Variants in TBC1D8 observed in about 807,000 individuals in gnomAD.
TBC1D8 encodes the protein TBC1 domain family member 8.
TBC1D8 carries 65 observed loss-of-function variants against 118.8 expected under a neutral mutation model. That is an observed-to-expected ratio of 0.55 (90% confidence interval 0.45 to 0.67). The LOEUF is 0.67. Ranked by LOEUF, TBC1D8 falls within the 30% of genes least tolerant of loss-of-function variation. The pLI, the probability that TBC1D8 is intolerant of heterozygous loss-of-function variation, is 0.00. For missense variants in TBC1D8, 1,376 were observed against 1,471.2 expected (o/e 0.94, Z 1.06); for synonymous variants, 566 against 595.8 (o/e 0.95, Z 0.73).
At chr2:101,091,267 A>G (rs1469436599) in intron 1 of TBC1D8, among the ~76,000 whole-genome samples, 1 of 152,220 alleles carries the variant, frequency 6.6e-6, no homozygotes, top group African/African-American at 2.4e-5. Context: ...CCTGGGCAAC[A>G]AGAGCGAAAC....
At chr2:101,133,206 AAAAT>A (rs2104261333) in intron 1 of TBC1D8, among the ~76,000 whole-genome samples, 1 of 152,142 alleles carries the variant, frequency 6.6e-6, no homozygotes, top group South Asian at 2.1e-4. Flanking sequence ...AAGCAATAAG[AAAAT>A]TATCTAACTT....
rs1475661088 is a variant in TBC1D8, at chr2:101,059,523, T to C, written c.300A>G (p.Glu100=). ...WAIATGATLE[E]INQHWDWLEQ... ...CCAGCCAGTCCCAGTGCTGATTGAT[T>C]TCCTCTAATGTTGCACCTGGATTCA... Residue 100 remains glutamate, a synonymous_variant, in exon 3 of 20, where the codon GAA becomes GAG. Coordinates refer to ENST00000409318, the MANE Select transcript of TBC1D8 (RefSeq NM_001330348.2). The C allele has an allele frequency of 1.2e-6, 2 of 1,613,224 alleles. No homozygotes were observed. Among genetic ancestry groups the C allele is most frequent in the East Asian group, 4.5e-5 (2 of 44,850 alleles).
At chr2:101,070,435 T>C (rs528476349) in intron 2 of TBC1D8, among the ~76,000 whole-genome samples, 2 of 143,902 alleles carry the variant, frequency 1.4e-5, no homozygotes, top group East Asian at 4.2e-4. Flanking sequence ...TTTTTTGAGA[T>C]AGAGTCTCAC....
At chr2:101,117,895 T>TTA (rs1677900954) in intron 1 of TBC1D8, among the ~76,000 whole-genome samples, 1 of 148,832 alleles carries the variant, frequency 6.7e-6, no homozygotes, top group African/African-American at 2.5e-5. Flanking sequence ...TTTTTTTTTT[T>TTA]AACCTTTAAA....
At chr2:101,041,009 G>C (rs1264471345) in intron 5 of TBC1D8, among the ~76,000 whole-genome samples, 6 of 152,212 alleles carry the variant, frequency 3.9e-5, no homozygotes, top group Non-Finnish European at 8.8e-5. Context: ...AAAAACACTT[G>C]CTTAAGAATC....
intron 15 of TBC1D8, chr2:101,023,990 T>C (rs190015116): frequency 1.3e-5 from 2 of 152,778 alleles, no homozygotes. Flanking sequence ...ACAAGAACTT[T>C]TAAGTGTGAA....
chr2:101,094,609 G>A (rs1331745534), intron 1 of TBC1D8, among the ~76,000 whole-genome samples: 2 of 152,160 alleles, frequency 1.3e-5, no homozygotes, highest in Non-Finnish European at 2.9e-5. Flanking sequence ...TGGAAGTAGT[G>A]ACTTTTTAAC....
chr2:101,014,994 A>G (rs1679509109), intron 17 of TBC1D8, among the ~76,000 whole-genome samples: 1 of 152,186 alleles, frequency 6.6e-6, no homozygotes, highest in South Asian at 2.1e-4. Flanking sequence ...TGTGTCAATG[A>G]GAGGAATACG....
intron 1 of TBC1D8, among the ~76,000 whole-genome samples, chr2:101,147,210 T>C (rs1420494209): frequency 6.8e-6 from 1 of 147,602 alleles, no homozygotes; most frequent in Non-Finnish European, 1.5e-5. Flanking sequence ...TTTCCTTATT[T>C]ATCTCTTGTT....
intron 14 of TBC1D8, 131 bp downstream of exon 14, chr2:101,027,917 A>T: frequency 1.3e-6 from 1 of 784,336 alleles, no homozygotes; most frequent in Non-Finnish European, 2.1e-6. Flanking sequence ...CTTCACCCTT[A>T]AGTTGTTAAT....
At chr2:101,015,488 C>T (rs1187554149) in intron 17 of TBC1D8, among the ~76,000 whole-genome samples, 1 of 152,152 alleles carries the variant, frequency 6.6e-6, no homozygotes, top group Non-Finnish European at 1.5e-5. Flanking sequence ...CTTTTTGACT[C>T]TTTTGTAATA....
At chr2:101,112,564 G>A (rs998157711) in intron 1 of TBC1D8, among the ~76,000 whole-genome samples, 2 of 152,140 alleles carry the variant, frequency 1.3e-5, no homozygotes, top group African/African-American at 4.8e-5. Flanking sequence ...GAACAGCCTG[G>A]TCCACCTCCG....
chr2:101,100,768 G>C (rs536899306), intron 1 of TBC1D8, among the ~76,000 whole-genome samples: 6 of 152,012 alleles, frequency 3.9e-5, no homozygotes, highest in Non-Finnish European at 8.8e-5. Context: ...CAACAAACCT[G>C]ACAAAAATAA....
chr2:101,073,286 A>ATTTT (rs1558676266), intron 2 of TBC1D8, among the ~76,000 whole-genome samples: 2 of 142,860 alleles, frequency 1.4e-5, no homozygotes, highest in African/African-American at 5.3e-5. Flanking sequence ...ATTTTATTTT[A>ATTTT]TTTTATTTTA....
chr2:101,126,667 G>C (rs1390603196), intron 1 of TBC1D8, among the ~76,000 whole-genome samples: 1 of 152,148 alleles, frequency 6.6e-6, no homozygotes, highest in Non-Finnish European at 1.5e-5. Flanking sequence ...AAAACGTATG[G>C]TATTATTACT....
chr2:101,121,607 A>C (rs1678110687), intron 1 of TBC1D8, among the ~76,000 whole-genome samples: 1 of 152,218 alleles, frequency 6.6e-6, no homozygotes, highest in African/African-American at 2.4e-5. Context: ...GTCCCATCTT[A>C]AGTGCTCCAC....
intron 1 of TBC1D8, among the ~76,000 whole-genome samples, chr2:101,097,357 A>G (rs937999118): frequency 2.6e-5 from 4 of 152,162 alleles, no homozygotes; most frequent in Non-Finnish European, 5.9e-5. Context: ...CAGCAACCGA[A>G]ATTTATATAA....
rs568851618 is a variant in TBC1D8, at chr2:101,147,030, GCGC to G, written c.127+4094_127+4096del. Reference sequence around the variant, plus strand: ...CAGGTTCATCCATGTTGTTGCAAATGCGCCAGGCACGGTGGCTCACACCTGTAA... The same window carrying G: ...CAGGTTCATCCATGTTGTTGCAAATGCAGGCACGGTGGCTCACACCTGTAA... On this transcript the variant is annotated intron_variant, in intron 1 of 19. Transcript: ENST00000409318. Among the ~76,000 whole-genome samples the G allele has an allele frequency of 1.9e-3, 293 of 152,232 alleles. 1 individual carries two copies. The highest frequency in any genetic ancestry group is 6.5e-3 in the African/African-American group (270 of 41,520).
chr2:101,064,792 G>C (rs1285629091), intron 2 of TBC1D8, among the ~76,000 whole-genome samples: 1 of 152,108 alleles, frequency 6.6e-6, no homozygotes, highest in Non-Finnish European at 1.5e-5. Context: ...ACATCTTCTG[G>C]ATGCCTGACA....
Sources: gnomAD v4.1 joint callset for allele counts (sites outside exome capture counted in the v4.1 genomes callset) on GRCh38, gnomAD v4.1.1 for gene constraint, MANE v1.5 for transcripts, NCBI Gene and HGNC (gene_info 2026-07-23, HGNC 2026-07-21) for gene names.